Variants in SENP7 observed in about 807,000 individuals in gnomAD.
The protein encoded by SENP7 is SUMO specific peptidase 7.
In SENP7, 64 loss-of-function variants were observed where a neutral mutation model predicts 141.2. The observed-to-expected ratio is 0.45, with a 90% CI of 0.37 to 0.56. The LOEUF is 0.56. Among genes scored for constraint, SENP7 ranks in the 20% least tolerant of loss-of-function variants. The pLI is 0.00. For missense variants in SENP7, 1,025 were observed against 1,212.2 expected (o/e 0.85, Z 2.29); for synonymous variants, 382 against 426.4 (o/e 0.90, Z 1.28).
intron 1 of SENP7, among the ~76,000 whole-genome samples, chr3:101,506,765 G>T (rs996132658): frequency 2.0e-5 from 3 of 152,178 alleles, no homozygotes; most frequent in African/African-American, 7.2e-5. Context: ...AACTGAACTG[G>T]GCTTGGGCTG....
intron 5 of SENP7, among the ~76,000 whole-genome samples, chr3:101,404,565 T>C (rs2061244077): frequency 6.6e-6 from 1 of 151,940 alleles, no homozygotes; most frequent in Non-Finnish European, 1.5e-5. Context: ...AAGCAAAAAT[T>C]GACAAATGGG....
intron 5 of SENP7, among the ~76,000 whole-genome samples, chr3:101,408,899 C>A (rs1693903753): frequency 6.6e-6 from 1 of 152,130 alleles, no homozygotes; most frequent in Non-Finnish European, 1.5e-5. Context: ...TCTCACCACT[C>A]CTCTTCAACA....
intron 3 of SENP7, among the ~76,000 whole-genome samples, chr3:101,475,495 T>C (rs542111102): frequency 6.6e-6 from 1 of 151,806 alleles, no homozygotes; most frequent in South Asian, 2.1e-4. Flanking sequence ...TAAGTGGGAG[T>C]TGAACAATGA....
At chr3:101,501,027 G>GT in intron 2 of SENP7, 43 bp downstream of exon 2, 1 of 1,294,718 alleles carries the variant, frequency 7.7e-7, no homozygotes, top group African/African-American at 1.5e-5. Context: ...TTCAATATCA[G>GT]TAACTCCAAA....
chr3:101,497,721 G>C (rs2065215015), intron 2 of SENP7, among the ~76,000 whole-genome samples: 1 of 152,168 alleles, frequency 6.6e-6, no homozygotes, highest in African/African-American at 2.4e-5. Context: ...CTCACACTTT[G>C]AGAAGCTGAA....
intron 6 of SENP7, among the ~76,000 whole-genome samples, chr3:101,382,832 A>G (rs753327074): frequency 2.0e-5 from 3 of 152,196 alleles, no homozygotes; most frequent in Non-Finnish European, 4.4e-5. Flanking sequence ...AAACACTAAC[A>G]TATTTTGCAA....
chr3:101,457,643 C>T, intron 4 of SENP7: 15 of 1,536,844 alleles, frequency 9.8e-6, no homozygotes, highest in Non-Finnish European at 1.3e-5. Context: ...CCACCTTCTT[C>T]CTTCTACGAG....
chr3:101,390,041 G>A lies in SENP7; in HGVS notation c.677+8820C>T, dbSNP rs544989291. 2.0e-5 allele frequency among the ~76,000 whole-genome samples: 3 copies of A among 151,986 alleles called. No individual in the cohort carries two copies. The East Asian group carries it at 5.8e-4, about 29-fold the overall frequency. ...TAGAGACCAGCCTGACCAATATGGT[G>A]AAACCCCATCTCTACTAAAAATACA... On this transcript the variant is annotated intron_variant, in intron 6 of 23. Coordinates refer to ENST00000394095, the MANE Select transcript of SENP7 (RefSeq NM_020654.5).
intron 3 of SENP7, among the ~76,000 whole-genome samples, chr3:101,477,566 AATG>A (rs1207737079): frequency 6.6e-6 from 1 of 152,124 alleles, no homozygotes; most frequent in African/African-American, 2.4e-5. Flanking sequence ...AAAATTAGTA[AATG>A]GCCGGACATG....
At chr3:101,444,094 G>C (rs112105544) in intron 4 of SENP7, among the ~76,000 whole-genome samples, 23,992 of 100,862 alleles carry the variant, frequency 0.24, 3,330 homozygotes, top group Admixed American at 0.33. Context: ...CATGAACAGA[G>C]ACTTCTCAAA....
rs147685950 is a variant in SENP7 at position 101,483,283 on chromosome 3, T to C, written c.186+10590A>G. On this transcript the variant is annotated intron_variant, in intron 3 of 23. Transcript: ENST00000394095. ...CGGCCATAAAAAAAGAACAAGATCA[T>C]GTCCTGTGCAGCAACATAGGATCAC... Among the ~76,000 whole-genome samples, 661 of 152,232 alleles carry C rather than the reference T, an allele frequency of 4.3e-3. 2 individuals are homozygous for C. Among genetic ancestry groups the C allele is most frequent in the Non-Finnish European group, 8.5e-3 (575 of 68,024 alleles).
At chr3:101,474,915 A>G (rs1263282784) in intron 3 of SENP7, among the ~76,000 whole-genome samples, 1 of 152,196 alleles carries the variant, frequency 6.6e-6, no homozygotes, top group Non-Finnish European at 1.5e-5. Flanking sequence ...CACAATTAGA[A>G]GATTTAGACT....
chr3:101,421,092 T>C (rs2061778516), intron 4 of SENP7, among the ~76,000 whole-genome samples: 1 of 152,152 alleles, frequency 6.6e-6, no homozygotes, highest in South Asian at 2.1e-4. Context: ...GTTAATTTTC[T>C]TGATAGTATA....
At chr3:101,399,874 C>T (rs1327943519) in intron 5 of SENP7, among the ~76,000 whole-genome samples, 1 of 152,180 alleles carries the variant, frequency 6.6e-6, no homozygotes. Context: ...AATCCTCCCA[C>T]TTCAGCCTCC....
chr3:101,352,722 G>A (rs2059644046), intron 11 of SENP7, among the ~76,000 whole-genome samples: 3 of 151,902 alleles, frequency 2.0e-5, no homozygotes, highest in Non-Finnish European at 2.9e-5. Flanking sequence ...ATCGGGTATG[G>A]TCTGTGAGCA....
chr3:101,493,817 T>G (rs1275074180), intron 3 of SENP7, 56 bp downstream of exon 3: 8 of 1,070,072 alleles, frequency 7.5e-6, no homozygotes, highest in Non-Finnish European at 1.1e-5. Context: ...TATTACAATA[T>G]TTTAAACATA....
chr3:101,332,736 TC>T, intron 18 of SENP7, 33 bp downstream of exon 18: 1 of 1,387,514 alleles, frequency 7.2e-7, no homozygotes, highest in Non-Finnish European at 9.5e-7. Flanking sequence ...CTGAATTCTT[TC>T]CAATATGTTC....
intron 5 of SENP7, among the ~76,000 whole-genome samples, chr3:101,401,142 G>A (rs11710011): frequency 0.4 from 60,015 of 151,338 alleles, 12,431 homozygotes; most frequent in Admixed American, 0.54. Context: ...TAGTGTGGAA[G>A]GCATGTTGAA....
intron 4 of SENP7, among the ~76,000 whole-genome samples, chr3:101,422,974 G>A (rs1303008368): frequency 6.6e-6 from 1 of 151,892 alleles, no homozygotes; most frequent in Middle Eastern, 3.2e-3. Context: ...TCAGAAATCA[G>A]AAAAAAGAAT....
Sources: allele counts gnomAD v4.1 joint callset (sites outside exome capture counted in the v4.1 genomes callset), GRCh38; gene constraint gnomAD v4.1.1; transcripts MANE v1.5; gene names NCBI Gene and HGNC (gene_info 2026-07-23, HGNC 2026-07-21).